Variants in GNB4 observed in about 807,000 individuals in gnomAD.
GNB4 encodes the protein G protein subunit beta 4.
Under a neutral mutation model 45.2 loss-of-function variants are expected in GNB4, and 28 were observed. That is an observed-to-expected ratio of 0.62 (90% confidence interval 0.46 to 0.85). The LOEUF (loss-of-function observed/expected upper bound fraction) is 0.85, where lower values mean the gene tolerates loss of function less well. Ranked by LOEUF, GNB4 falls within the 40% of genes least tolerant of loss-of-function variation. The pLI is 0.00. For synonymous variants in GNB4, 132 were observed against 143.7 expected (o/e 0.92, Z 0.58); for missense variants, 321 against 425.4 (o/e 0.75, Z 2.16).
the GNB4 span, among the ~76,000 whole-genome samples, chr3:179,502,228 C>CTT: frequency 0.012 from 905 of 73,294 alleles, 1 homozygote; most frequent in African/African-American, 0.016. Flanking sequence ...TTTTTCTTTT[C>CTT]TTTTTTTTTT....
At chr3:179,459,404 C>T in the GNB4 span, among the ~76,000 whole-genome samples, 5 of 151,862 alleles carry the variant, frequency 3.3e-5, no homozygotes, top group Non-Finnish European at 7.4e-5. Flanking sequence ...ACCTTCCGGC[C>T]GGGCGCAGTG....
chr3:179,488,863 A>G, the GNB4 span, among the ~76,000 whole-genome samples: 2 of 150,564 alleles, frequency 1.3e-5, no homozygotes, highest in Admixed American at 1.3e-4. Context: ...GCGTGTCTGT[A>G]GTCCCAGCTA....
At chr3:179,403,514 C>T (rs1035761608) in intron 9 of GNB4, among the ~76,000 whole-genome samples, 2 of 152,002 alleles carry the variant, frequency 1.3e-5, no homozygotes, top group Non-Finnish European at 2.9e-5. Flanking sequence ...AAAGTCAGGC[C>T]GGGCGCAGTG....
At chr3:179,461,710 ATT>A in the GNB4 span, among the ~76,000 whole-genome samples, 1 of 151,674 alleles carries the variant, frequency 6.6e-6, no homozygotes. Context: ...CTAAAAACAA[ATT>A]TTTTTTTGCC....
intron 9 of GNB4, 93 bp downstream of exon 9, chr3:179,405,097 C>T (rs1451572171): frequency 1.2e-6 from 1 of 856,898 alleles, no homozygotes; most frequent in Non-Finnish European, 1.8e-6. Flanking sequence ...CTTTCCACAA[C>T]TCCAAGATGT....
At chr3:179,417,471 G>T (rs58230199) in intron 4 of GNB4, among the ~76,000 whole-genome samples, 30,158 of 150,074 alleles carry the variant, frequency 0.2, 3,321 homozygotes, top group East Asian at 0.35. Context: ...GCAATGGCAC[G>T]ATCTCAGCCC....
At chr3:179,454,302 T>C (rs1577044783), upstream of GNB4, among the ~76,000 whole-genome samples, 1 of 152,320 alleles carries the variant, frequency 6.6e-6, no homozygotes, top group South Asian at 2.1e-4. Flanking sequence ...GTGTCTGCCA[T>C]AGTGTTTAAC....
chr3:179,507,655 A>G, the GNB4 span, among the ~76,000 whole-genome samples: 2 of 152,000 alleles, frequency 1.3e-5, no homozygotes, highest in Non-Finnish European at 2.9e-5. Flanking sequence ...ATTAAATCTT[A>G]TTCCCACTCT....
the GNB4 span, among the ~76,000 whole-genome samples, chr3:179,491,244 T>A: frequency 6.6e-5 from 10 of 152,128 alleles, no homozygotes; most frequent in Non-Finnish European, 1.2e-4. Flanking sequence ...GAATAAAAAA[T>A]TTTTAAATTA....
the GNB4 span, among the ~76,000 whole-genome samples, chr3:179,477,525 T>C: frequency 5.9e-5 from 9 of 152,192 alleles, no homozygotes; most frequent in Non-Finnish European, 2.9e-5. Flanking sequence ...CATGAGACCT[T>C]ATCAGAATGA....
the GNB4 span, among the ~76,000 whole-genome samples, chr3:179,501,949 T>C: frequency 6.6e-6 from 1 of 152,184 alleles, no homozygotes; most frequent in Non-Finnish European, 1.5e-5. Flanking sequence ...TTAGGCCTTC[T>C]ATTATTATTC....
At chr3:179,406,614 T>G (rs933559834) in intron 8 of GNB4, among the ~76,000 whole-genome samples, 4 of 151,780 alleles carry the variant, frequency 2.6e-5, no homozygotes. Context: ...TTTTAATTAC[T>G]TTTTTTTGTT....
rs552093832 is a variant in GNB4 at position 179,446,408 on chromosome 3, G to T, written c.-43+4938C>A. On this transcript the variant is annotated intron_variant, in intron 1 of 9. Transcript: ENST00000232564. ...AAATATTAAAATACTTCAAGGGACA[G>T]AAGTATATTTAAGCAGGAATTCTTT... Among the ~76,000 whole-genome samples, 8 of 152,362 alleles carry T rather than the reference G, an allele frequency of 5.3e-5. No homozygotes were observed. In the South Asian group the frequency reaches 8.3e-4, roughly 16 times the overall value.
chr3:179,405,613 TACACAGCCCATTGTTCAGA>T (rs1018131519), intron 8 of GNB4: 1 of 520,062 alleles, frequency 1.9e-6, no homozygotes, highest in Non-Finnish European at 3.4e-6. Flanking sequence ...ATATGCAAAG[TACACAGCCCATTGTTCAGA>T]ACACAGCAAG....
chr3:179,508,656 A>G, the GNB4 span, among the ~76,000 whole-genome samples: 2 of 152,132 alleles, frequency 1.3e-5, no homozygotes, highest in East Asian at 3.8e-4. Context: ...AAAAATTGAA[A>G]TACATATTTT....
At chr3:179,445,150 T>C (rs573093435) in intron 1 of GNB4, among the ~76,000 whole-genome samples, 3 of 152,358 alleles carry the variant, frequency 2.0e-5, no homozygotes, top group Admixed American at 1.3e-4. Flanking sequence ...TCTTCAGCTA[T>C]AGAGAAATTG....
At chr3:179,489,023 T>A in the GNB4 span, among the ~76,000 whole-genome samples, 66 of 47,136 alleles carry the variant, frequency 1.4e-3, no homozygotes, top group Non-Finnish European at 1.9e-3. Context: ...AAAAAAAATA[T>A]ATATATATAT....
chr3:179,519,756 T>C, the GNB4 span, among the ~76,000 whole-genome samples: 1 of 152,122 alleles, frequency 6.6e-6, no homozygotes, highest in Non-Finnish European at 1.5e-5. Context: ...ACCACAAGTA[T>C]AGGACACCTC....
intron 2 of GNB4, among the ~76,000 whole-genome samples, 171 bp downstream of exon 2, chr3:179,425,973 C>T (rs112041346): frequency 7.2e-5 from 11 of 152,266 alleles, no homozygotes; most frequent in South Asian, 2.1e-4. Context: ...AGAGTTCTTT[C>T]GAGACATGGT....
Sources: gnomAD v4.1 joint callset for allele counts (sites outside exome capture counted in the v4.1 genomes callset) on GRCh38, gnomAD v4.1.1 for gene constraint, MANE v1.5 for transcripts, NCBI Gene and HGNC (gene_info 2026-07-23, HGNC 2026-07-21) for gene names.